CA10: variants seen among roughly 807,000 people sequenced by gnomAD.
CA10 encodes carbonic anhydrase 10 (inactive), also known as carbonic anhydrase-related protein 10.
A neutral mutation model predicts 44.2 loss-of-function variants in CA10; 14 were observed. That is an observed-to-expected ratio of 0.32 (90% CI 0.21 to 0.50). CA10 has a LOEUF of 0.50. CA10 is among the 20% of genes least tolerant of loss of function. CA10 has a pLI of 0.99. For missense variants in CA10, 350 were observed against 409.7 expected (o/e 0.85, Z 1.26); for synonymous variants, 159 against 141.6 (o/e 1.12, Z -0.87).
At chr17:51,697,745 G>A (rs1915450464) in intron 4 of CA10, among the ~76,000 whole-genome samples, 1 of 152,192 alleles carries the variant, frequency 6.6e-6, no homozygotes, top group African/African-American at 2.4e-5. Flanking sequence ...TTCACTGAAT[G>A]AATAAACAAA....
In CA10 at chr17:51,692,366, CCTATCTATCTATCTATCTAT is replaced by C. The variant is rs71728413; in HGVS notation, c.466-38650_466-38631del. On this transcript the variant is annotated intron_variant, in intron 4 of 8. Transcript: ENST00000451037. Reference sequence around the variant, plus strand: ...TCTACCTACCTATCTACCTATCCATCCTATCTATCTATCTATCTATCTATCTATCTATCTATCTATCTATC... The same window carrying C: ...TCTACCTACCTATCTACCTATCCATCCTATCTATCTATCTATCTATCTATC... 7.7e-3 allele frequency among the ~76,000 whole-genome samples: 1,084 copies of C among 141,258 alleles called. 12 individuals are homozygous for C. Among genetic ancestry groups the C allele is most frequent in the African/African-American group, 0.025 (977 of 38,778 alleles). 92.7% of individuals were successfully genotyped at this position (141,258 alleles called of 152,430 possible).
chr17:51,651,639 A>G (rs9912472), intron 5 of CA10, among the ~76,000 whole-genome samples: 108,547 of 152,146 alleles, frequency 0.71, 39,230 homozygotes, highest in Non-Finnish European at 0.76. Flanking sequence ...AGGAATGAAC[A>G]TTTCTGTAGG....
intron 3 of CA10, among the ~76,000 whole-genome samples, chr17:51,930,651 G>A (rs1010779827): frequency 6.6e-6 from 1 of 152,022 alleles, no homozygotes; most frequent in Non-Finnish European, 1.5e-5. Context: ...TTAAAAGAAG[G>A]CCTAGTAAAG....
rs561608816 is a variant in CA10 at position 51,912,250 on chromosome 17, T to G, written c.279+18740A>C. Among the ~76,000 whole-genome samples, 38 of 152,290 alleles carry G rather than the reference T, an allele frequency of 2.5e-4. No homozygotes were observed. In the South Asian group the frequency reaches 7.7e-3, roughly 31 times the overall value. ...TCTCTGTAAAATTAAAATTAAATTC[T>G]GAAAACACTATGTGCTAGGCACAGT... On this transcript the variant is annotated intron_variant, in intron 3 of 8. Transcript: ENST00000451037.
chr17:51,881,179 G>A (rs1201615216), intron 3 of CA10, among the ~76,000 whole-genome samples: 2 of 140,474 alleles, frequency 1.4e-5, no homozygotes, highest in African/African-American at 5.3e-5. Flanking sequence ...GGCGGAGCTT[G>A]AAATGAGCCG....
rs555017417 is a variant in CA10 at position 52,136,729 on chromosome 17, G to A, written c.61+20997C>T. ...AATTTCTGGCAAGAGGCTACAACACGTATTAACATAAACAATATCACTGGC... is the reference window on the plus strand; with the variant it reads ...AATTTCTGGCAAGAGGCTACAACACATATTAACATAAACAATATCACTGGC... On this transcript the variant is annotated intron_variant, in intron 1 of 8. Coordinates refer to ENST00000451037, the MANE Select transcript of CA10 (RefSeq NM_020178.5). Among the ~76,000 whole-genome samples the A allele has an allele frequency of 1.0e-3, 152 of 152,238 alleles. No individual in the cohort carries two copies. The South Asian group carries it at 0.018, about 18-fold the overall frequency.
At chr17:51,816,735 C>G (rs1907576354) in intron 3 of CA10, among the ~76,000 whole-genome samples, 1 of 152,184 alleles carries the variant, frequency 6.6e-6, no homozygotes, top group Non-Finnish European at 1.5e-5. Flanking sequence ...TGCATTGATA[C>G]AGAAGCACAC....
At chr17:51,963,315 G>A (rs1205159428) in intron 2 of CA10, among the ~76,000 whole-genome samples, 3 of 152,126 alleles carry the variant, frequency 2.0e-5, no homozygotes, top group Non-Finnish European at 4.4e-5. Context: ...GAGAGAAGGA[G>A]AAAACATAAG....
chr17:51,862,787 T>C (rs1430229033), intron 3 of CA10, among the ~76,000 whole-genome samples: 1 of 151,862 alleles, frequency 6.6e-6, no homozygotes. Flanking sequence ...TGTATGTGTA[T>C]GGGGCGGGGA....
At chr17:52,025,021 C>A (rs76233860) in intron 2 of CA10, among the ~76,000 whole-genome samples, 4 of 152,040 alleles carry the variant, frequency 2.6e-5, no homozygotes, top group African/African-American at 9.6e-5. Flanking sequence ...CCCCTTTTAC[C>A]TTGACCTTAA....
At chr17:51,823,763 G>A (rs1352153079) in intron 3 of CA10, among the ~76,000 whole-genome samples, 1 of 152,206 alleles carries the variant, frequency 6.6e-6, no homozygotes, top group Admixed American at 6.5e-5. Context: ...TAGCAGCATA[G>A]CCATGTCTGT....
intron 3 of CA10, among the ~76,000 whole-genome samples, chr17:51,751,390 A>G (rs1215278162): frequency 6.6e-6 from 1 of 152,248 alleles, no homozygotes; most frequent in Non-Finnish European, 1.5e-5. Context: ...ACACCATTGA[A>G]TTGTACACTT....
chr17:51,646,986 C>T (rs1198230203), intron 6 of CA10, among the ~76,000 whole-genome samples: 1 of 150,996 alleles, frequency 6.6e-6, no homozygotes, highest in Non-Finnish European at 1.5e-5. Context: ...CCATGCAGGC[C>T]AGGATCTCTT....
chr17:51,885,663 G>A (rs1195981685), intron 3 of CA10, among the ~76,000 whole-genome samples: 1 of 152,168 alleles, frequency 6.6e-6, no homozygotes, highest in Non-Finnish European at 1.5e-5. Context: ...TAGCACATGA[G>A]TGCATTGGTG....
intron 2 of CA10, 135 bp from the exon 3 acceptor site, chr17:51,931,267 G>T (rs2143994554): frequency 2.6e-6 from 2 of 772,070 alleles, no homozygotes; most frequent in East Asian, 2.6e-5. Context: ...GATCCTTGGG[G>T]GTTGCTATGG....
chr17:51,999,465 T>C (rs1432322085), intron 2 of CA10, among the ~76,000 whole-genome samples: 1 of 152,040 alleles, frequency 6.6e-6, no homozygotes, highest in African/African-American at 2.4e-5. Flanking sequence ...GTGTCAGCCA[T>C]GTTCTTTTTA....
chr17:52,064,260 C>A lies in CA10; in HGVS notation c.136+8059G>T, dbSNP rs549951116. On this transcript the variant is annotated intron_variant, in intron 2 of 8. Coordinates refer to ENST00000451037, the MANE Select transcript of CA10 (RefSeq NM_020178.5). ...GATGAGAATGCAGCCAGAATGACAC[C>A]TTTTTCAGCCTTATGGGACTCAGTA... 4.6e-5 allele frequency among the ~76,000 whole-genome samples: 7 copies of A among 152,298 alleles called. No individual in the cohort carries two copies. In the East Asian group the frequency reaches 1.2e-3, roughly 25 times the overall value.
At chr17:51,677,023 C>T (rs1167024121) in intron 4 of CA10, among the ~76,000 whole-genome samples, 1 of 152,126 alleles carries the variant, frequency 6.6e-6, no homozygotes, top group East Asian at 1.9e-4. Flanking sequence ...CCTTTTTCTG[C>T]TGTCAGGAAG....
intron 1 of CA10, among the ~76,000 whole-genome samples, chr17:52,101,333 C>T (rs1205107890): frequency 2.6e-5 from 4 of 152,208 alleles, no homozygotes; most frequent in African/African-American, 7.2e-5. Flanking sequence ...TGTTAAGACA[C>T]TTTCAAAAGG....
Sources: allele counts gnomAD v4.1 joint callset (sites outside exome capture counted in the v4.1 genomes callset), GRCh38; gene constraint gnomAD v4.1.1; transcripts MANE v1.5; gene names NCBI Gene and HGNC (gene_info 2026-07-23, HGNC 2026-07-21).